The following PDE10A variants were observed in gnomAD, a reference collection of about 807,000 sequenced individuals.
PDE10A encodes the protein cAMP and cAMP-inhibited cGMP 3',5'-cyclic phosphodiesterase 10A.
A neutral mutation model predicts 97.7 loss-of-function variants in PDE10A; 39 were observed. The ratio of observed to expected loss-of-function variants is 0.40; its 90% confidence interval spans 0.31 to 0.52. The LOEUF (loss-of-function observed/expected upper bound fraction) is 0.52, where lower values mean the gene tolerates loss of function less well. PDE10A is among the 20% of genes least tolerant of loss of function. The probability of loss-of-function intolerance (pLI) is 0.56; values close to 1 mark genes in which losing one functional copy is unlikely to be tolerated. For missense variants in PDE10A, 731 were observed against 1,047.8 expected, an observed-to-expected ratio of 0.70 and a Z score of 4.17; for synonymous variants, 371 against 376.8, an observed-to-expected ratio of 0.98 and a Z score of 0.18.
At chr6:165,804,765 G>C (rs1031620015) in intron 1 of PDE10A, among the ~76,000 whole-genome samples, 1 of 151,932 alleles carries the variant, frequency 6.6e-6, no homozygotes, top group Admixed American at 6.6e-5. Context: ...GTCGGGGAGC[G>C]GCGGCGGGGG....
At chr6:165,538,781 G>T (rs1783248688) in intron 2 of PDE10A, among the ~76,000 whole-genome samples, 1 of 152,138 alleles carries the variant, frequency 6.6e-6, no homozygotes, top group South Asian at 2.1e-4. Flanking sequence ...TATAAGAAAT[G>T]CAAAACAATG....
chr6:165,332,754 A>C lies in PDE10A; in HGVS notation c.*271T>G. 1 of 438,668 alleles carries C rather than the reference A, an allele frequency of 2.3e-6. No homozygotes were observed. The highest frequency in any genetic ancestry group is 4.1e-6 in the Non-Finnish European group (1 of 246,332). The allele number at this position is 438,668 out of a possible 1,614,324, so 27.2% of individuals were successfully genotyped here. A position where few individuals can be genotyped will look rare whatever the true frequency, so the allele number is the denominator to read the frequency against. On this transcript the variant is annotated 3_prime_UTR_variant, in exon 22 of 22. Transcript: ENST00000539869. ...CTCAGCAATATTAGCCTATTAGAAA[A>C]GGCTGGTTTGCAAGTCAAATGGAGT...
chr6:165,944,221 A>G (rs188884104), intron 1 of PDE10A, among the ~76,000 whole-genome samples: 2 of 152,162 alleles, frequency 1.3e-5, no homozygotes, highest in African/African-American at 2.4e-5. Flanking sequence ...CCATAATTCA[A>G]TTACCTCTCA....
At chr6:165,356,728 A>G (rs1027491646) in intron 18 of PDE10A, among the ~76,000 whole-genome samples, 5 of 152,242 alleles carry the variant, frequency 3.3e-5, no homozygotes, top group Admixed American at 3.3e-4. Flanking sequence ...TTGTTCATAT[A>G]CAAAAAATAT....
chr6:165,530,722 T>G (rs1782729881), intron 2 of PDE10A, among the ~76,000 whole-genome samples: 1 of 152,192 alleles, frequency 6.6e-6, no homozygotes, highest in African/African-American at 2.4e-5. Context: ...TTGCTTCAAT[T>G]TTAAAAATTT....
intron 1 of PDE10A, among the ~76,000 whole-genome samples, chr6:165,751,423 C>A (rs1278082195): frequency 1.3e-5 from 2 of 152,176 alleles, no homozygotes; most frequent in African/African-American, 4.8e-5. Context: ...AGTGAAGGAG[C>A]ACCCCTTTGA....
At chr6:165,923,895 T>G (rs77880162) in intron 1 of PDE10A, among the ~76,000 whole-genome samples, 6,980 of 152,262 alleles carry the variant, frequency 0.046, 231 homozygotes, top group Middle Eastern at 0.075. Flanking sequence ...AACTTCAGCT[T>G]TAGAAAGAAT....
chr6:165,531,221 T>G (rs891903536), intron 2 of PDE10A, among the ~76,000 whole-genome samples: 1 of 152,070 alleles, frequency 6.6e-6, no homozygotes. Flanking sequence ...ATTTCAGTTA[T>G]ATTTATGGTC....
chr6:165,376,513 A>C (rs1784613361), intron 18 of PDE10A, among the ~76,000 whole-genome samples: 1 of 152,232 alleles, frequency 6.6e-6, no homozygotes. Flanking sequence ...AGGAAGTTCT[A>C]CTGCAGGTGA....
chr6:165,600,073 C>T (rs865472), intron 1 of PDE10A, among the ~76,000 whole-genome samples: 2,101 of 152,228 alleles, frequency 0.014, 55 homozygotes, highest in African/African-American at 0.048. Flanking sequence ...CTCGCCACAC[C>T]GCACCTCACA....
At chr6:165,511,883 CT>C (rs1781529000) in intron 2 of PDE10A, among the ~76,000 whole-genome samples, 1 of 151,982 alleles carries the variant, frequency 6.6e-6, no homozygotes, top group African/African-American at 2.4e-5. Flanking sequence ...TTTTCCATCA[CT>C]TTAGTTTCAC....
intron 10 of PDE10A, among the ~76,000 whole-genome samples, chr6:165,427,628 G>T (rs1789259851): frequency 6.6e-6 from 1 of 152,056 alleles, no homozygotes; most frequent in Non-Finnish European, 1.5e-5. Flanking sequence ...ACTTTAAATG[G>T]ATGAACTGTA....
chr6:165,470,625 T>C (rs751964867), intron 3 of PDE10A, among the ~76,000 whole-genome samples: 9 of 152,232 alleles, frequency 5.9e-5, no homozygotes, highest in Non-Finnish European at 1.3e-4. Context: ...CTCTGTTGTA[T>C]TTGGTTACGC....
At chr6:165,532,107 T>C (rs1048128909) in intron 2 of PDE10A, among the ~76,000 whole-genome samples, 1 of 152,162 alleles carries the variant, frequency 6.6e-6, no homozygotes, top group African/African-American at 2.4e-5. Flanking sequence ...CAACCGGCTT[T>C]ACACTAACCT....
intron 2 of PDE10A, among the ~76,000 whole-genome samples, chr6:165,487,723 A>C (rs1477201215): frequency 6.6e-6 from 1 of 152,170 alleles, no homozygotes; most frequent in Non-Finnish European, 1.5e-5. Context: ...TTACTGAAAA[A>C]GAGTGTCCCT....
chr6:165,536,210 T>C, intron 2 of PDE10A, among the ~76,000 whole-genome samples: 1 of 151,890 alleles, frequency 6.6e-6, no homozygotes, highest in Non-Finnish European at 1.5e-5. Context: ...GAACATACAA[T>C]GAGGAAAGGA....
chr6:165,463,946 T>A lies in PDE10A; in HGVS notation c.1024-13584A>T, dbSNP rs561641539. On this transcript the variant is annotated intron_variant, in intron 3 of 21. Coordinates refer to ENST00000539869, the MANE Select transcript of PDE10A (RefSeq NM_001385079.1). ...CAACCTATTCCTTTAATTAGGTCCA[T>A]CCCTTCGTTTCCCATAAGGGATACT... 1.6e-4 allele frequency among the ~76,000 whole-genome samples: 24 copies of A among 152,358 alleles called. No individual in the cohort carries two copies. In the East Asian group the frequency reaches 4.6e-3, roughly 29 times the overall value.
At chr6:165,769,221 C>T (rs1399642919) in intron 1 of PDE10A, among the ~76,000 whole-genome samples, 1 of 152,150 alleles carries the variant, frequency 6.6e-6, no homozygotes, top group Admixed American at 6.5e-5. Context: ...TGCTGCGTGG[C>T]TGGAACAGCT....
chr6:165,666,718 C>G (rs574099378), upstream of PDE10A, among the ~76,000 whole-genome samples: 4 of 146,902 alleles, frequency 2.7e-5, no homozygotes, highest in Admixed American at 1.4e-4. Context: ...TTCAATTTTT[C>G]TCATCCCCAA....
Sources: allele counts gnomAD v4.1 joint callset (sites outside exome capture counted in the v4.1 genomes callset), GRCh38; gene constraint gnomAD v4.1.1; transcripts MANE v1.5; gene names NCBI Gene and HGNC (gene_info 2026-07-23, HGNC 2026-07-21).